OTOGL: variants seen among roughly 807,000 people sequenced by gnomAD.
OTOGL encodes otogelin-like protein.
In OTOGL, 285 loss-of-function variants were observed where a neutral mutation model predicts 318.5. The ratio of observed to expected loss-of-function variants is 0.89; its 90% CI spans 0.81 to 0.99. The LOEUF is 0.99. Among genes scored for constraint, OTOGL ranks in the 50% least tolerant of loss-of-function variants. OTOGL has a pLI of 0.00. For missense variants in OTOGL, 2,899 were observed against 2,845.6 expected (o/e 1.02, Z -0.43); for synonymous variants, 987 against 936.5 (o/e 1.05, Z -0.99).
chr12:80,181,189 T>C (rs573178918), intron 1 of OTOGL, among the ~76,000 whole-genome samples: 1 of 151,632 alleles, frequency 6.6e-6, no homozygotes, highest in East Asian at 1.9e-4. Context: ...TAAAAACCAA[T>C]TAGCATACTT....
intron 26 of OTOGL, among the ~76,000 whole-genome samples, chr12:80,285,526 C>T (rs1357821098): frequency 6.6e-6 from 1 of 152,014 alleles, no homozygotes; most frequent in Non-Finnish European, 1.5e-5. Context: ...AATCTTTTTT[C>T]CATTTGCTTG....
intron 26 of OTOGL, among the ~76,000 whole-genome samples, chr12:80,281,817 G>C: frequency 6.6e-6 from 1 of 151,936 alleles, no homozygotes; most frequent in African/African-American, 2.4e-5. Flanking sequence ...GGATTGAATA[G>C]ATAAATATAT....
At chr12:80,355,545 G>A (rs1555303069) in intron 46 of OTOGL, among the ~76,000 whole-genome samples, 191 bp from the exon 47 acceptor site, 1 of 151,940 alleles carries the variant, frequency 6.6e-6, no homozygotes, top group Non-Finnish European at 1.5e-5. Flanking sequence ...ATTTTCTGTG[G>A]ACTAAGTATA....
chr12:80,116,191 G>A (rs1477412497), intron 1 of OTOGL, among the ~76,000 whole-genome samples: 1 of 152,264 alleles, frequency 6.6e-6, no homozygotes, highest in Non-Finnish European at 1.5e-5. Flanking sequence ...AGGCACCTGA[G>A]GGAATCTCCT....
rs764193254 is a variant in OTOGL at position 80,211,990 on chromosome 12, C to A, written c.161C>A (p.Ala54Glu). ...AATCGACAGAAAAGAGCTCTTTTAG[C>A]AGCACAGGTAGGTTATGCTTCAGGT... The part of the protein sequence containing the change: ...NENRQKRALL[A>E]AQFEATSPRY... Residue 54 changes from alanine to glutamate, a missense_variant, in exon 4 of 59, where the codon GCA becomes GAA. Coordinates refer to ENST00000547103, the MANE Select transcript of OTOGL (RefSeq NM_001378609.3). 6.3e-6 allele frequency: 10 copies of A among 1,576,268 alleles called. No individual in the cohort carries two copies. The African/African-American group carries it at 9.4e-5, about 15-fold the overall frequency.
intron 44 of OTOGL, among the ~76,000 whole-genome samples, chr12:80,343,995 G>T (rs1336551381): frequency 6.6e-6 from 1 of 152,180 alleles, no homozygotes; most frequent in Non-Finnish European, 1.5e-5. Context: ...AGTCAGGAAG[G>T]AGCTCACTGT....
chr12:80,299,563 A>G (rs1403512454), intron 27 of OTOGL, among the ~76,000 whole-genome samples: 1 of 101,908 alleles, frequency 9.8e-6, no homozygotes, highest in Non-Finnish European at 2.5e-5. Context: ...AAAGTGAAAA[A>G]TAAGCACTAT....
intron 29 of OTOGL, among the ~76,000 whole-genome samples, chr12:80,306,750 A>AT (rs1886131655): frequency 1.4e-5 from 2 of 147,330 alleles, no homozygotes; most frequent in Non-Finnish European, 1.5e-5. Context: ...CTCTCTGCAA[A>AT]TGAATTAAGA....
At chr12:80,151,613 T>C (rs1174231483) in intron 1 of OTOGL, among the ~76,000 whole-genome samples, 5 of 152,192 alleles carry the variant, frequency 3.3e-5, no homozygotes, top group Non-Finnish European at 5.9e-5. Flanking sequence ...TGAATTAGTA[T>C]TGCTGTTTTG....
At chr12:80,109,200 A>G (rs1486238099) in intron 1 of OTOGL, among the ~76,000 whole-genome samples, 1 of 151,978 alleles carries the variant, frequency 6.6e-6, no homozygotes, top group East Asian at 1.9e-4. Flanking sequence ...ATCTGAAACT[A>G]AATGTTTTTA....
chr12:80,214,317 T>C (rs1357069786), intron 4 of OTOGL, among the ~76,000 whole-genome samples: 1 of 152,218 alleles, frequency 6.6e-6, no homozygotes, highest in Non-Finnish European at 1.5e-5. Flanking sequence ...GGCTTTCTGC[T>C]GTAGGCAGCT....
intron 46 of OTOGL, among the ~76,000 whole-genome samples, chr12:80,354,611 A>G (rs1889759551): frequency 1.3e-5 from 2 of 152,184 alleles, no homozygotes; most frequent in Admixed American, 1.3e-4. Context: ...TGAATTGACT[A>G]ATAATTAAAG....
At position 80,149,443 on chromosome 12, in the gene OTOGL, G is replaced by A. The variant is rs1277462511; in HGVS notation, c.-20+49838G>A. Among the ~76,000 whole-genome samples, 9 of 152,278 alleles carry A rather than the reference G, an allele frequency of 5.9e-5. No homozygotes were observed. In the South Asian group the frequency reaches 6.2e-4, roughly 11 times the overall value. ...TGCCCGTTCTCAGATCTCCAGTTGC[G>A]TACTGGGAGAACCACTGCTCTCTTC... is the stretch of plus-strand genomic sequence containing the variant. On this transcript the variant is annotated intron_variant, in intron 1 of 58. Transcript: ENST00000547103.
rs1460393436 is a variant in OTOGL at position 80,219,848 on chromosome 12, C to T, written c.270C>T (p.Phe90=). 1.3e-6 allele frequency: 2 copies of T among 1,588,866 alleles called. No homozygotes were observed. Among genetic ancestry groups the T allele is most frequent in the Non-Finnish European group, 1.7e-6 (2 of 1,173,830 alleles). ...CTTATGAATGCCTTAATGGAGCTTT[C>T]TGTTCTAAGACTGGAACATGTGACT... The part of the protein sequence containing the change: ...SCPYECLNGA[F]CSKTGTCDCQ... Residue 90 remains phenylalanine (F), a synonymous_variant, in exon 6 of 59, where the codon TTC becomes TTT. Transcript: ENST00000547103.
chr12:80,186,044 T>C (rs1488172078), intron 1 of OTOGL, among the ~76,000 whole-genome samples: 1 of 18,942 alleles, frequency 5.3e-5, no homozygotes, highest in Non-Finnish European at 8.0e-5. Flanking sequence ...GGTAAGCATT[T>C]AGGGCTTCTT....
rs1348525403 is a variant in OTOGL, at chr12:80,222,026, GA to G, written c.335-64del. 3 of 1,471,984 alleles carry G rather than the reference GA, an allele frequency of 2.0e-6. No individual in the cohort carries two copies. The South Asian group carries it at 3.8e-5, about 19-fold the overall frequency. 91.2% of individuals were successfully genotyped at this position (1,471,984 alleles called of 1,614,324 possible). On this transcript the variant is annotated intron_variant, in intron 6 of 58. Coordinates refer to ENST00000547103, the MANE Select transcript of OTOGL (RefSeq NM_001378609.3). The stretch of plus-strand genomic sequence containing the variant: ...AAAATTAGAATCATTTACCATGACT[GA>G]CTGAACATTGCTAGAAACGTGTAAT...
At chr12:80,214,219 G>A (rs1049496866) in intron 4 of OTOGL, among the ~76,000 whole-genome samples, 1 of 152,206 alleles carries the variant, frequency 6.6e-6, no homozygotes, top group Non-Finnish European at 1.5e-5. Flanking sequence ...TTAGGTGCAG[G>A]TCATTTATTT....
chr12:80,180,887 T>A (rs1874875927), intron 1 of OTOGL, among the ~76,000 whole-genome samples: 1 of 152,168 alleles, frequency 6.6e-6, no homozygotes, highest in Admixed American at 6.5e-5. Context: ...GGATCTGTAT[T>A]TCCTGAATGA....
At chr12:80,117,252 G>A (rs1450756855) in intron 1 of OTOGL, among the ~76,000 whole-genome samples, 1 of 88,206 alleles carries the variant, frequency 1.1e-5, no homozygotes, top group Non-Finnish European at 2.3e-5. Context: ...AGCTATCTCT[G>A]GGTGACTTAA....
Sources: allele counts gnomAD v4.1 joint callset (sites outside exome capture counted in the v4.1 genomes callset), GRCh38; gene constraint gnomAD v4.1.1; transcripts MANE v1.5; gene names NCBI Gene and HGNC (gene_info 2026-07-23, HGNC 2026-07-21).